The following XPR1 variants were observed in gnomAD, a reference collection of about 807,000 sequenced individuals.
XPR1 encodes the protein solute carrier family 53 member 1.
XPR1 carries 28 observed loss-of-function variants against 87.5 expected under a neutral mutation model. The ratio of observed to expected loss-of-function variants is 0.32; its 90% CI spans 0.24 to 0.44. The LOEUF is 0.44. Ranked by LOEUF, XPR1 falls within the 20% of genes least tolerant of loss-of-function variation. XPR1 has a pLI of 1.00. For missense variants in XPR1, 559 were observed against 862.3 expected, an observed-to-expected ratio of 0.65 and a Z score of 4.41; for synonymous variants, 300 against 306.1, an observed-to-expected ratio of 0.98 and a Z score of 0.21.
intron 2 of XPR1, among the ~76,000 whole-genome samples, chr1:180,712,661 C>T (rs919959542): frequency 2.0e-5 from 3 of 151,982 alleles, no homozygotes; most frequent in Admixed American, 1.3e-4. Flanking sequence ...CAAAAATCAG[C>T]TGGGTGTGGT....
intron 2 of XPR1, among the ~76,000 whole-genome samples, chr1:180,718,712 AGGCT>A (rs1658080509): frequency 7.1e-6 from 1 of 140,606 alleles, no homozygotes; most frequent in African/African-American, 2.7e-5. Flanking sequence ...TCTGTCTCCC[AGGCT>A]GGAGTGCAGT....
In XPR1 at chr1:180,887,675, C is replaced by G. The variant is rs1010516752; in HGVS notation, c.*3609C>G. 2 of 152,200 alleles carry G rather than the reference C, an allele frequency of 1.3e-5. No homozygotes were observed. Among genetic ancestry groups the G allele is most frequent in the Non-Finnish European group, 2.9e-5 (2 of 68,038 alleles). 9.4% of individuals were successfully genotyped at this position (152,200 alleles called of 1,614,324 possible). On this transcript the variant is annotated 3_prime_UTR_variant, in exon 15 of 15. Coordinates refer to ENST00000367590, the MANE Select transcript of XPR1 (RefSeq NM_004736.4). ...TCAGAAGCAAAGGTGTGGGAGAACA[C>G]CATTCACCTCAGTAGTAACTTATAA...
chr1:180,757,008 A>G (rs1237635502), intron 2 of XPR1, among the ~76,000 whole-genome samples: 1 of 152,138 alleles, frequency 6.6e-6, no homozygotes, highest in Admixed American at 6.5e-5. Flanking sequence ...TTTTTCGTTG[A>G]CCTATGTTTA....
chr1:180,792,864 A>G (rs1000788317), intron 3 of XPR1, among the ~76,000 whole-genome samples: 2 of 151,936 alleles, frequency 1.3e-5, no homozygotes, highest in African/African-American at 4.8e-5. Flanking sequence ...CTCTTTATTC[A>G]AAATACTTAG....
chr1:180,816,688 A>G (rs1650424021), intron 7 of XPR1, among the ~76,000 whole-genome samples: 2 of 152,218 alleles, frequency 1.3e-5, no homozygotes, highest in South Asian at 4.1e-4. Context: ...AGCATAACAC[A>G]TTATTTAGAT....
intron 9 of XPR1, among the ~76,000 whole-genome samples, chr1:180,829,626 C>T (rs1178565222): frequency 6.6e-6 from 1 of 151,968 alleles, no homozygotes; most frequent in Non-Finnish European, 1.5e-5. Flanking sequence ...ATTTATTTGC[C>T]CAACTAGACT....
At chr1:180,758,497 C>G (rs944223725) in intron 2 of XPR1, among the ~76,000 whole-genome samples, 2 of 152,110 alleles carry the variant, frequency 1.3e-5, no homozygotes, top group African/African-American at 4.8e-5. Context: ...CATTTGAGGT[C>G]AGGAGTTCAA....
At chr1:180,634,086 T>G (rs1263303343) in intron 1 of XPR1, among the ~76,000 whole-genome samples, 1 of 152,232 alleles carries the variant, frequency 6.6e-6, no homozygotes, top group African/African-American at 2.4e-5. Flanking sequence ...TAATGTCAGT[T>G]TTGTGGCTGG....
intron 7 of XPR1, among the ~76,000 whole-genome samples, chr1:180,818,959 T>C (rs1333788895): frequency 6.6e-6 from 1 of 152,188 alleles, no homozygotes; most frequent in African/African-American, 2.4e-5. Context: ...AAACTTTTTT[T>C]TTCCTTCAGA....
rs76244883 is a variant in XPR1 at position 180,676,050 on chromosome 1, A to T, written c.70-6310A>T. On this transcript the variant is annotated intron_variant, in intron 1 of 14. Transcript: ENST00000367590. ...AACGAAAATTTGATTCAGTTTTATAATCAGAATGAAGACTCGTCATTTTTC... is the reference window on the plus strand; with the variant it reads ...AACGAAAATTTGATTCAGTTTTATATTCAGAATGAAGACTCGTCATTTTTC... 1.6e-3 allele frequency among the ~76,000 whole-genome samples: 247 copies of T among 152,340 alleles called. 1 individual carries two copies. The highest frequency in any genetic ancestry group is 5.6e-3 in the African/African-American group (233 of 41,590).
At chr1:180,724,756 TTCAG>T (rs1658280675) in intron 2 of XPR1, among the ~76,000 whole-genome samples, 1 of 152,198 alleles carries the variant, frequency 6.6e-6, no homozygotes, top group Admixed American at 6.5e-5. Flanking sequence ...GAAAGATGCC[TTCAG>T]TCAATGAAAA....
intron 2 of XPR1, among the ~76,000 whole-genome samples, chr1:180,767,319 G>A (rs916983603): frequency 6.6e-5 from 10 of 152,138 alleles, no homozygotes; most frequent in Non-Finnish European, 7.4e-5. Context: ...GATATCATAG[G>A]CATAACTGTT....
chr1:180,778,814 C>T (rs1198598264), intron 2 of XPR1, among the ~76,000 whole-genome samples: 1 of 152,168 alleles, frequency 6.6e-6, no homozygotes, highest in Non-Finnish European at 1.5e-5. Flanking sequence ...ACCTAATTTC[C>T]TGGGAATTGC....
At chr1:180,718,965 C>A (rs1338340584) in intron 2 of XPR1, among the ~76,000 whole-genome samples, 1 of 152,184 alleles carries the variant, frequency 6.6e-6, no homozygotes, top group African/African-American at 2.4e-5. Flanking sequence ...CTGTACCCAG[C>A]CGGATCTGTA....
intron 1 of XPR1, among the ~76,000 whole-genome samples, chr1:180,654,558 A>G (rs1202490877): frequency 6.6e-6 from 1 of 152,054 alleles, no homozygotes; most frequent in East Asian, 1.9e-4. Context: ...CTCTTAAACA[A>G]CAACTCCCTA....
At position 180,834,950 on chromosome 1, in the gene XPR1, C is replaced by T; in HGVS notation, c.1211C>T (p.Ser404Leu). ...FWLADQLNSL[S>L]VILMDLEYMI... ...CTGGCGGATCAGCTGAACAGCCTGTCAGTGATACTGATGGACCTGGAATAT... is the reference window on the plus strand; with the variant it reads ...CTGGCGGATCAGCTGAACAGCCTGTTAGTGATACTGATGGACCTGGAATAT... Residue 404 changes from serine (S) to leucine (L), a missense_variant, in exon 10 of 15, where the codon TCA (serine) becomes TTA (leucine). Physicochemically the swap from Ser to Leu is moderately radical, Grantham distance 145. Coordinates refer to ENST00000367590, the MANE Select transcript of XPR1 (RefSeq NM_004736.4). 1 of 1,613,964 alleles carries T rather than the reference C, an allele frequency of 6.2e-7. No individual in the cohort carries two copies. The highest frequency in any genetic ancestry group is 8.5e-7 in the Non-Finnish European group (1 of 1,180,002).
chr1:180,785,064 A>G (rs565103328), intron 2 of XPR1, among the ~76,000 whole-genome samples: 4 of 115,338 alleles, frequency 3.5e-5, no homozygotes, highest in South Asian at 2.7e-4. Context: ...ACCTTACTCT[A>G]CCTTCTTCTG....
rs538546112 is a variant in XPR1, at chr1:180,807,953, G to A, written c.681+1396G>A. ...CAGGAGGTGGAGGTTGCAGTGAGCC[G>A]AGATCGCGCCACTGCACTGAGTGAC... On this transcript the variant is annotated intron_variant, in intron 6 of 14. Transcript: ENST00000367590. Among the ~76,000 whole-genome samples, 528 of 152,220 alleles carry A rather than the reference G, an allele frequency of 3.5e-3. 4 individuals are homozygous for A. Among genetic ancestry groups the A allele is most frequent in the African/African-American group, 0.012 (516 of 41,534 alleles).
rs1650762215 is a variant in XPR1, at chr1:180,824,632, A to G, written c.764-121A>G. On this transcript the variant is annotated intron_variant, in intron 7 of 14. Transcript: ENST00000367590. ...GATAGATGATAGATAATCTAGGTTT[A>G]GGTTTTATTTATGAAAAATTTCTAT... 6.3e-6 allele frequency: 5 copies of G among 792,310 alleles called. No homozygotes were observed. The African/African-American group carries it at 8.7e-5, about 14-fold the overall frequency. 49.1% of individuals were successfully genotyped at this position (792,310 alleles called of 1,614,324 possible).
Sources: allele counts gnomAD v4.1 joint callset (sites outside exome capture counted in the v4.1 genomes callset), GRCh38; gene constraint gnomAD v4.1.1; transcripts MANE v1.5; gene names NCBI Gene and HGNC (gene_info 2026-07-23, HGNC 2026-07-21).